The following ESCO2 variants were observed in gnomAD, a reference collection of about 807,000 sequenced individuals.
The protein encoded by ESCO2 is establishment of sister chromatid cohesion N-acetyltransferase 2.
Under a neutral mutation model 61.7 loss-of-function variants are expected in ESCO2, and 51 were observed. That is an observed-to-expected ratio of 0.83 (90% CI 0.66 to 1.04). ESCO2 has a LOEUF of 1.04. ESCO2 is among the 50% of genes least tolerant of loss of function. The pLI is 0.00. For synonymous variants in ESCO2, 230 were observed against 238.2 expected (o/e 0.97, Z 0.32); for missense variants, 692 against 686.2 (o/e 1.01, Z -0.09).
intron 6 of ESCO2, 30 bp downstream of exon 6, chr8:27,788,032 A>G (rs1388334077): frequency 2.6e-6 from 4 of 1,525,740 alleles, no homozygotes; most frequent in South Asian, 1.1e-5. Flanking sequence ...AGCTTCTCCT[A>G]TCTAGCCCTT....
chr8:27,800,937 G>A (rs1805409624), intron 10 of ESCO2, among the ~76,000 whole-genome samples: 2 of 152,168 alleles, frequency 1.3e-5, no homozygotes, highest in African/African-American at 4.8e-5. Context: ...TCCAGGGACT[G>A]AGGAAAGATG....
At chr8:27,790,724 A>G (rs565112860) in intron 7 of ESCO2, among the ~76,000 whole-genome samples, 3 of 152,198 alleles carry the variant, frequency 2.0e-5, no homozygotes, top group Non-Finnish European at 2.9e-5. Flanking sequence ...ACATAGTGTT[A>G]GAGATGGATC....
downstream of ESCO2, among the ~76,000 whole-genome samples, chr8:27,805,869 G>A (rs1805553511): frequency 6.6e-6 from 1 of 152,104 alleles, no homozygotes; most frequent in South Asian, 2.1e-4. Flanking sequence ...CTGAGCTGAA[G>A]TGATCCTCCC....
At chr8:27,784,104 G>A (rs1346033096) in intron 5 of ESCO2, 47 bp downstream of exon 5, 4 of 1,560,892 alleles carry the variant, frequency 2.6e-6, no homozygotes, top group South Asian at 2.2e-5. Flanking sequence ...AAATTATACA[G>A]TTCCTCTGGG....
chr8:27,802,607 C>CAAAAAAAAA (rs1188348304), intron 10 of ESCO2, among the ~76,000 whole-genome samples: 5 of 29,176 alleles, frequency 1.7e-4, no homozygotes, highest in Admixed American at 1.1e-3. Flanking sequence ...GACTCTGTCT[C>CAAAAAAAAA]AAAAAAAAAA....
rs775568427 is a variant in ESCO2, at chr8:27,777,117, T to G, written c.809T>G (p.Leu270Trp). 6.3e-7 allele frequency: 1 copy of G among 1,594,752 alleles called. No homozygotes were observed. Among genetic ancestry groups the G allele is most frequent in the Admixed American group, 1.9e-5 (1 of 53,986 alleles). ...VPKCLVLEEK[L>W]KIGLLSASSK... ...AAGTGCTTGGTCCTAGAAGAGAAAT[T>G]GAAAATTGGACTACTGAGTGCAAGC... Residue 270 changes from leucine to tryptophan, a missense_variant, in exon 3 of 11, where the codon TTG becomes TGG. Coordinates refer to ENST00000305188, the MANE Select transcript of ESCO2 (RefSeq NM_001017420.3).
chr8:27,787,769 T>TTAATG (rs1805078729), intron 5 of ESCO2, 116 bp from the exon 6 acceptor site: 5 of 759,126 alleles, frequency 6.6e-6, no homozygotes, highest in African/African-American at 3.5e-5. Context: ...CTTCATCAAG[T>TTAATG]TAATGTCAGA....
At chr8:27,816,359 T>TATATATATATATATATATATATATATATA (rs1563489324), downstream of ESCO2, among the ~76,000 whole-genome samples, 15 of 126,620 alleles carry the variant, frequency 1.2e-4, no homozygotes, top group Admixed American at 2.5e-4. Context: ...ATATATATAT[T>TATATATATATATATATATATATATATATA]TATTTATTTA....
Position 27,803,858 on chromosome 8 carries a change from C to T in ESCO2, c.*420C>T. The stretch of plus-strand genomic sequence containing the variant: ...TCAGAAGCAAACAGGCAAATTTAAA[C>T]TTGGGCAAGTAATTTCTGTGCCCAA... On this transcript the variant is annotated 3_prime_UTR_variant, in exon 11 of 11. Coordinates refer to ENST00000305188, the MANE Select transcript of ESCO2 (RefSeq NM_001017420.3). 1 of 990,668 alleles carries T rather than the reference C, an allele frequency of 1.0e-6. No individual in the cohort carries two copies. Among genetic ancestry groups the T allele is most frequent in the Non-Finnish European group, 1.2e-6 (1 of 834,040 alleles). The allele number at this position is 990,668 out of a possible 1,614,324, so 61.4% of individuals were successfully genotyped here.
chr8:27,810,458 A>G (rs1238999845), downstream of ESCO2: 2 of 1,608,382 alleles, frequency 1.2e-6, no homozygotes, highest in Admixed American at 1.7e-5. Context: ...CCAACGCTGC[A>G]TAGTATGCTT....
At chr8:27,808,923 G>A (rs1253792631), downstream of ESCO2, among the ~76,000 whole-genome samples, 2 of 152,158 alleles carry the variant, frequency 1.3e-5, no homozygotes, top group African/African-American at 4.8e-5. Flanking sequence ...CATAGACAAG[G>A]GCTGTGAATT....
At chr8:27,784,574 C>A (rs1443368912) in intron 5 of ESCO2, among the ~76,000 whole-genome samples, 3 of 152,068 alleles carry the variant, frequency 2.0e-5, no homozygotes, top group East Asian at 3.9e-4. Flanking sequence ...CATTATTACC[C>A]CATGTTGTAG....
rs2128952973 is a variant in ESCO2 at position 27,782,430 on chromosome 8, T to G, written c.956-1570T>G. ...GTGTCTGCCACCATGCCCGGCTAATTTTTTTGTATTTTTAGTAGAGACGGG... is the reference window on the plus strand; with the variant it reads ...GTGTCTGCCACCATGCCCGGCTAATGTTTTTGTATTTTTAGTAGAGACGGG... On this transcript the variant is annotated intron_variant, in intron 4 of 10. Transcript: ENST00000305188. 1.3e-5 allele frequency among the ~76,000 whole-genome samples: 2 copies of G among 152,104 alleles called. 1 individual carries two copies. Among genetic ancestry groups the G allele is most frequent in the South Asian group, 4.1e-4 (2 of 4,820 alleles).
downstream of ESCO2, chr8:27,810,023 C>A: frequency 2.9e-6 from 1 of 343,740 alleles, no homozygotes; most frequent in South Asian, 4.3e-5. Context: ...TTTAATGTTA[C>A]AGTTTACAGC....
chr8:27,815,263 CATTT>C, downstream of ESCO2, among the ~76,000 whole-genome samples: 1 of 152,286 alleles, frequency 6.6e-6, no homozygotes, highest in South Asian at 2.1e-4. Context: ...AACAAGCACT[CATTT>C]ATTCCGTTAA....
At chr8:27,816,401 T>C (rs988588178), downstream of ESCO2, among the ~76,000 whole-genome samples, 7 of 149,036 alleles carry the variant, frequency 4.7e-5, no homozygotes, top group African/African-American at 1.7e-4. Flanking sequence ...TTTTTTGAGA[T>C]GGAATCTCGC....
chr8:27,802,656 T>TATAATA (rs1491490850), intron 10 of ESCO2, among the ~76,000 whole-genome samples: 20 of 63,552 alleles, frequency 3.1e-4, no homozygotes, highest in African/African-American at 1.3e-3. Flanking sequence ...TATATATATA[T>TATAATA]TATATATATA....
downstream of ESCO2, among the ~76,000 whole-genome samples, chr8:27,812,944 AT>A (rs1472081516): frequency 6.6e-6 from 1 of 152,210 alleles, no homozygotes; most frequent in Non-Finnish European, 1.5e-5. Context: ...TAGAAATACC[AT>A]TTGACCCAGC....
At position 27,804,598 on chromosome 8, in the gene ESCO2, G is replaced by GA; in HGVS notation, c.*1165dup. Reference sequence around the variant, plus strand: ...ACATTGTTCAAATTGTTTTGATTCTGAAAAATCATTCAACTGCTAACTGGC... The same window carrying GA: ...ACATTGTTCAAATTGTTTTGATTCTGAAAAAATCATTCAACTGCTAACTGGC... On this transcript the variant is annotated 3_prime_UTR_variant, in exon 11 of 11. Transcript: ENST00000305188. The GA allele has an allele frequency of 1.0e-6, 1 of 985,334 alleles. No individual in the cohort carries two copies. Among genetic ancestry groups the GA allele is most frequent in the Non-Finnish European group, 1.2e-6 (1 of 829,880 alleles). The allele number at this position is 985,334 out of a possible 1,614,324, so 61.0% of individuals were successfully genotyped here.
Sources: gnomAD v4.1 joint callset for allele counts (sites outside exome capture counted in the v4.1 genomes callset) on GRCh38, gnomAD v4.1.1 for gene constraint, MANE v1.5 for transcripts, NCBI Gene and HGNC (gene_info 2026-07-23, HGNC 2026-07-21) for gene names.